The following PREP variants were observed in gnomAD, a reference collection of about 807,000 sequenced individuals.
The protein encoded by PREP is prolyl endopeptidase.
In PREP, 29 loss-of-function variants were observed where a neutral mutation model predicts 87.6. That is an observed-to-expected ratio of 0.33 (90% CI 0.25 to 0.45). The LOEUF (loss-of-function observed/expected upper bound fraction) is 0.45, where lower values mean the gene tolerates loss of function less well. Among genes scored for constraint, PREP ranks in the 20% least tolerant of loss-of-function variants. The pLI, the probability that PREP is intolerant of heterozygous loss-of-function variation, is 1.00. For synonymous variants in PREP, 337 were observed against 328.6 expected (o/e 1.03, Z -0.28); for missense variants, 695 against 886.5 (o/e 0.78, Z 2.74).
chr6:105,374,925 T>C (rs1472097854), intron 4 of PREP, among the ~76,000 whole-genome samples: 2 of 151,942 alleles, frequency 1.3e-5, no homozygotes, highest in African/African-American at 2.4e-5. Context: ...ACTAGAAGAA[T>C]GCATTATCGG....
chr6:105,350,425 T>C (rs895052826), intron 7 of PREP, among the ~76,000 whole-genome samples: 2 of 152,176 alleles, frequency 1.3e-5, no homozygotes, highest in South Asian at 2.1e-4. Context: ...AATTCAAATC[T>C]GATTTGAAAG....
Position 105,402,922 on chromosome 6 carries a change from G to A in PREP, c.-31C>T, listed in dbSNP as rs200600230. The A allele has an allele frequency of 9.1e-3, 12,350 of 1,363,400 alleles. 88 individuals carry two copies. The highest frequency in any genetic ancestry group is 0.01 in the Non-Finnish European group (10,351 of 1,007,694). The allele number at this position is 1,363,400 out of a possible 1,614,324, so 84.5% of individuals were successfully genotyped here. ...GGGACAGGCAGGGGGCAGCGTGGAGGGGCGCGGGCTCCGGGAGCGGACCTG... is the reference window on the plus strand; with the variant it reads ...GGGACAGGCAGGGGGCAGCGTGGAGAGGCGCGGGCTCCGGGAGCGGACCTG... On this transcript the variant is annotated 5_prime_UTR_variant, in exon 1 of 15. Transcript: ENST00000652536.
At chr6:105,369,217 A>G (rs935455802) in intron 5 of PREP, among the ~76,000 whole-genome samples, 193 bp from the exon 6 acceptor site, 1 of 152,248 alleles carries the variant, frequency 6.6e-6, no homozygotes, top group African/African-American at 2.4e-5. Context: ...ACAATACATT[A>G]GCACCTCCAA....
At chr6:105,322,589 A>ATAATT in intron 10 of PREP, 1 of 986,864 alleles carries the variant, frequency 1.0e-6, no homozygotes, top group Non-Finnish European at 1.2e-6. Flanking sequence ...CATATATTAA[A>ATAATT]TATTTCAGGC....
chr6:105,391,442 A>G (rs991007578), intron 2 of PREP, among the ~76,000 whole-genome samples: 2 of 152,180 alleles, frequency 1.3e-5, no homozygotes, highest in Admixed American at 1.3e-4. Flanking sequence ...AGCTGGTCTC[A>G]AACTCCAGGG....
At position 105,278,350 on chromosome 6, in the gene PREP, G is replaced by A. The variant is rs772490679; in HGVS notation, c.1927C>T (p.Arg643Cys). The change falls in exon 15 of 15, where the codon CGC (arginine) becomes TGC (cysteine). Residue 643 changes from arginine (R) to cysteine (C), a missense_variant. Physicochemically the swap from Arg to Cys is radical, Grantham distance 180. Around this residue, in one of 5 missense-constraint regions of PREP, gnomAD observed 121 missense variants for 154.8 expected, o/e 0.78. Coordinates refer to ENST00000652536, the MANE Select transcript of PREP (RefSeq NM_002726.5). This position sits in a 1 kb window ranked among gnomAD's most constrained non-coding sequence, Gnocchi z 4.2. ...TTCAGGGAGTGAAGCGGGACCACGC[G>A]GTCATCATGGTCAGCAGTGAGGAGC... ...MLLLTADHDDRVVPLHSLKFI... is the reference protein window; with the variant it reads ...MLLLTADHDDCVVPLHSLKFI... 8.1e-6 allele frequency: 13 copies of A among 1,614,138 alleles called. No individual in the cohort carries two copies. The highest frequency in any genetic ancestry group is 2.2e-5 in the East Asian group (1 of 44,878).
intron 7 of PREP, among the ~76,000 whole-genome samples, chr6:105,336,112 T>C (rs775000614): frequency 3.3e-5 from 5 of 151,802 alleles, no homozygotes; most frequent in Non-Finnish European, 5.9e-5. Flanking sequence ...ACAAAAAAAT[T>C]AGCTAGGCAT....
At chr6:105,322,802 T>G in intron 10 of PREP, 1 of 1,086,372 alleles carries the variant, frequency 9.2e-7, no homozygotes, top group Middle Eastern at 4.4e-4. Context: ...TTATTCATGA[T>G]CTAGATGTAG....
At chr6:105,323,791 G>A (rs1158843979) in intron 9 of PREP, 23 bp from the exon 10 acceptor site, 3 of 1,577,182 alleles carry the variant, frequency 1.9e-6, no homozygotes, top group Admixed American at 3.3e-5. Context: ...ATAAGGCTTG[G>A]TTTAGTCTAC....
intron 2 of PREP, among the ~76,000 whole-genome samples, chr6:105,397,185 CAAAAA>C (rs67107334): frequency 8.1e-5 from 7 of 86,846 alleles, no homozygotes; most frequent in African/African-American, 2.2e-4. Context: ...ACTCTGTCTA[CAAAAA>C]AAAAAAAAAA....
At chr6:105,335,673 T>C (rs565473622) in intron 7 of PREP, among the ~76,000 whole-genome samples, 12 of 152,124 alleles carry the variant, frequency 7.9e-5, no homozygotes, top group Admixed American at 4.6e-4. Flanking sequence ...CGGAAGACCA[T>C]GAGGTCGGGA....
intron 2 of PREP, among the ~76,000 whole-genome samples, chr6:105,378,216 T>C (rs1583095918): frequency 6.6e-6 from 1 of 152,226 alleles, no homozygotes; most frequent in East Asian, 1.9e-4. Flanking sequence ...CCCAGAACTT[T>C]GGAAGGCTGA....
intron 10 of PREP, among the ~76,000 whole-genome samples, chr6:105,314,316 T>C (rs1039222688): frequency 2.6e-5 from 4 of 152,172 alleles, no homozygotes; most frequent in Non-Finnish European, 5.9e-5. Context: ...ACAATGAAGT[T>C]TGCCCACTGG....
At chr6:105,333,016 G>C (rs911045822) in intron 8 of PREP, among the ~76,000 whole-genome samples, 1 of 152,130 alleles carries the variant, frequency 6.6e-6, no homozygotes, top group African/African-American at 2.4e-5. Context: ...ATTATTACCA[G>C]ATATTAAGTA....
intron 2 of PREP, among the ~76,000 whole-genome samples, chr6:105,393,988 A>T (rs898170930): frequency 6.6e-6 from 1 of 151,830 alleles, no homozygotes; most frequent in Admixed American, 6.6e-5. Flanking sequence ...ACATGTAATC[A>T]ATTCAGACTA....
Position 105,373,430 on chromosome 6 carries a change from C to A in PREP, c.534G>T (p.Trp178Cys). 6.2e-7 allele frequency: 1 copy of A among 1,614,204 alleles called. No individual in the cohort carries two copies. The highest frequency in any genetic ancestry group is 8.5e-7 in the Non-Finnish European group (1 of 1,180,034). ...LERVKFSCMA[W>C]THDGKGMFYN... Reference sequence around the variant, plus strand: ...AGAACATTCCCTTCCCATCATGGGTCCAGGCCATACAGCTGAACTTGACTC... The same window carrying A: ...AGAACATTCCCTTCCCATCATGGGTACAGGCCATACAGCTGAACTTGACTC... Residue 178 changes from tryptophan to cysteine, a missense_variant, in exon 5 of 15, where the codon TGG becomes TGT. Trp to Cys is a radical substitution (Grantham distance 215). This residue lies in a region of PREP where 517 missense variants were observed against 620.3 expected (regional missense o/e 0.83). Transcript: ENST00000652536.
chr6:105,373,680 A>C, intron 4 of PREP, 102 bp from the exon 5 acceptor site: 1 of 1,162,714 alleles, frequency 8.6e-7, no homozygotes, highest in Admixed American at 2.1e-5. Context: ...CGGAGGTAGA[A>C]TGTGGCAATA....
chr6:105,380,491 G>C (rs1411232036), intron 2 of PREP, among the ~76,000 whole-genome samples: 1 of 152,168 alleles, frequency 6.6e-6, no homozygotes, highest in Non-Finnish European at 1.5e-5. Context: ...CAGACTATAG[G>C]GGAGCAAAAG....
At chr6:105,281,026 ACTT>A (rs1363018504) in intron 14 of PREP, 2 of 152,172 alleles carry the variant, frequency 1.3e-5, no homozygotes, top group Non-Finnish European at 2.9e-5. Context: ...AACATCACAG[ACTT>A]CTTATCTCAC....
Sources: allele counts gnomAD v4.1 joint callset (sites outside exome capture counted in the v4.1 genomes callset), GRCh38; gene constraint gnomAD v4.1.1; regional missense constraint gnomAD v4.1.1; non-coding constraint Gnocchi (gnomAD v3.1); transcripts MANE v1.5; gene names NCBI Gene and HGNC (gene_info 2026-07-23, HGNC 2026-07-21).